Variants in RALYL observed in about 807,000 individuals in gnomAD.
The protein encoded by RALYL is RALY RNA binding protein like, also known as RNA-binding Raly-like protein.
RALYL carries 29 observed loss-of-function variants against 35.1 expected under a neutral mutation model. That is an observed-to-expected ratio of 0.83 (90% confidence interval 0.61 to 1.13). The LOEUF is 1.13. RALYL is among the 50% of genes most tolerant of loss of function. The probability of loss-of-function intolerance (pLI) is 0.00; values close to 1 mark genes in which losing one functional copy is unlikely to be tolerated. For synonymous variants in RALYL, 120 were observed against 127.6 expected, an observed-to-expected ratio of 0.94 and a Z score of 0.40; for missense variants, 359 against 360.4, an observed-to-expected ratio of 1.00 and a Z score of 0.03.
intron 1 of RALYL, among the ~76,000 whole-genome samples, chr8:84,265,589 A>C (rs1833135926): frequency 6.6e-6 from 1 of 151,778 alleles, no homozygotes; most frequent in Non-Finnish European, 1.5e-5. Flanking sequence ...AGCCACCCGA[A>C]AGGAACACAG....
At chr8:84,550,001 A>G (rs989965303) in intron 2 of RALYL, among the ~76,000 whole-genome samples, 2 of 152,134 alleles carry the variant, frequency 1.3e-5, no homozygotes, top group Non-Finnish European at 2.9e-5. Flanking sequence ...CACTCTCTAC[A>G]TACACTTTAG....
intron 1 of RALYL, among the ~76,000 whole-genome samples, chr8:84,355,727 G>T (rs1851702074): frequency 6.7e-6 from 1 of 150,224 alleles, no homozygotes; most frequent in African/African-American, 2.5e-5. Flanking sequence ...TGGAAAGTGA[G>T]AAATCTAGAT....
chr8:84,708,220 G>A (rs1026109835), intron 2 of RALYL, among the ~76,000 whole-genome samples: 2 of 152,024 alleles, frequency 1.3e-5, no homozygotes, highest in Non-Finnish European at 2.9e-5. Flanking sequence ...AAAAAGGAGA[G>A]AACAAAAATA....
At chr8:84,787,739 T>C (rs1208501474) in intron 3 of RALYL, among the ~76,000 whole-genome samples, 2 of 152,256 alleles carry the variant, frequency 1.3e-5, no homozygotes, top group East Asian at 1.9e-4. Context: ...TGGTGTCTCA[T>C]TGTGGTTTTG....
chr8:84,287,776 G>A lies in RALYL; in HGVS notation c.-24+103352G>A, dbSNP rs370940799. Among the ~76,000 whole-genome samples, 137 of 152,254 alleles carry A rather than the reference G, an allele frequency of 9.0e-4. 4 individuals are homozygous for A. The South Asian group carries it at 0.022, about 24-fold the overall frequency. ...ATGATTAATTCTAGAAGATCCAATC[G>A]TTTCAGGAATTGGAGAATGGTTAGA... On this transcript the variant is annotated intron_variant, in intron 1 of 8. Transcript: ENST00000521268.
At chr8:84,310,832 G>C (rs534694004) in intron 1 of RALYL, among the ~76,000 whole-genome samples, 3 of 137,896 alleles carry the variant, frequency 2.2e-5, no homozygotes, top group African/African-American at 8.6e-5. Context: ...TGGATCATGA[G>C]GTCAGGAGAT....
chr8:84,651,712 A>G (rs903976414), intron 2 of RALYL, among the ~76,000 whole-genome samples: 2 of 152,092 alleles, frequency 1.3e-5, no homozygotes, highest in Admixed American at 6.6e-5. Flanking sequence ...TGTTATATGA[A>G]AAAAACTTAA....
At chr8:84,310,056 T>C (rs2129784888) in intron 1 of RALYL, among the ~76,000 whole-genome samples, 1 of 152,150 alleles carries the variant, frequency 6.6e-6, no homozygotes, top group East Asian at 1.9e-4. Context: ...CTTTTTTTTT[T>C]TCTTTTTCTT....
chr8:84,218,287 A>T (rs1343324403), intron 1 of RALYL, among the ~76,000 whole-genome samples: 2 of 152,068 alleles, frequency 1.3e-5, no homozygotes, highest in Admixed American at 1.3e-4. Flanking sequence ...TATCAGGGCC[A>T]GTTACACTAT....
At chr8:84,821,007 G>T (rs147707437) in intron 4 of RALYL, among the ~76,000 whole-genome samples, 39 of 152,106 alleles carry the variant, frequency 2.6e-4, no homozygotes, top group African/African-American at 8.2e-4. Context: ...TAAAAATAAT[G>T]CAAAATAAGT....
chr8:84,740,875 A>G (rs1023766215), intron 2 of RALYL, among the ~76,000 whole-genome samples: 1 of 152,000 alleles, frequency 6.6e-6, no homozygotes, highest in Non-Finnish European at 1.5e-5. Flanking sequence ...ATAGGTAATA[A>G]GAGGGTTGTG....
intron 1 of RALYL, among the ~76,000 whole-genome samples, chr8:84,250,177 G>A (rs1295052129): frequency 6.6e-6 from 1 of 151,764 alleles, no homozygotes; most frequent in Non-Finnish European, 1.5e-5. Flanking sequence ...ATTTATTATG[G>A]CCGTCAAACA....
rs76204045 is a variant in RALYL, at chr8:84,512,524, G to A, written c.-23-16775G>A. ...ATTGTTTCCTTTACTGTGCAGAAGC[G>A]TTTTAGTTTAATATAGTCCCATTTG... On this transcript the variant is annotated intron_variant, in intron 1 of 8. Coordinates refer to ENST00000521268, the MANE Select transcript of RALYL (RefSeq NM_173848.7). 1.1e-3 allele frequency among the ~76,000 whole-genome samples: 163 copies of A among 152,082 alleles called. 2 individuals carry two copies. In the East Asian group the frequency reaches 0.025, roughly 23 times the overall value.
chr8:84,726,615 AAT>A (rs936564807), intron 2 of RALYL, among the ~76,000 whole-genome samples: 4 of 151,806 alleles, frequency 2.6e-5, no homozygotes, highest in African/African-American at 9.7e-5. Context: ...ATAAAATAGC[AAT>A]ATATATATGT....
chr8:84,385,516 G>T (rs1209472186), intron 1 of RALYL, among the ~76,000 whole-genome samples: 1 of 151,800 alleles, frequency 6.6e-6, no homozygotes, highest in Non-Finnish European at 1.5e-5. Flanking sequence ...ACTCTCAGTG[G>T]TTAGTTCTGA....
At chr8:84,190,965 T>C (rs563804574) in intron 1 of RALYL, among the ~76,000 whole-genome samples, 1 of 150,646 alleles carries the variant, frequency 6.6e-6, no homozygotes, top group Non-Finnish European at 1.5e-5. Flanking sequence ...GTATGTGGGG[T>C]GTGTGTGTGT....
chr8:84,848,742 A>T (rs139186047), intron 4 of RALYL, among the ~76,000 whole-genome samples: 2 of 152,336 alleles, frequency 1.3e-5, no homozygotes, highest in Non-Finnish European at 2.9e-5. Flanking sequence ...TTGTGAATGT[A>T]CTTAACGCCA....
intron 2 of RALYL, among the ~76,000 whole-genome samples, chr8:84,711,087 T>C (rs998913260): frequency 3.9e-5 from 6 of 152,180 alleles, no homozygotes; most frequent in African/African-American, 1.4e-4. Flanking sequence ...TCAGTTTCTC[T>C]CTGGATAGTT....
At chr8:84,624,822 T>C (rs1822371184) in intron 2 of RALYL, among the ~76,000 whole-genome samples, 1 of 152,236 alleles carries the variant, frequency 6.6e-6, no homozygotes, top group Non-Finnish European at 1.5e-5. Context: ...TCCTTTTCCA[T>C]AGAATAATCC....
Sources: allele counts gnomAD v4.1 joint callset (sites outside exome capture counted in the v4.1 genomes callset), GRCh38; gene constraint gnomAD v4.1.1; transcripts MANE v1.5; gene names NCBI Gene and HGNC (gene_info 2026-07-23, HGNC 2026-07-21).